RERE: variants seen among roughly 807,000 people sequenced by gnomAD.
The protein encoded by RERE is arginine-glutamic acid dipeptide repeats.
In RERE, 40 loss-of-function variants were observed where a neutral mutation model predicts 146.1. The observed-to-expected ratio is 0.27, with a 90% CI of 0.21 to 0.36. RERE has a LOEUF of 0.36. RERE is among the 10% of genes least tolerant of loss of function. The pLI is 1.00. For synonymous variants in RERE, 1,003 were observed against 866.0 expected, an observed-to-expected ratio of 1.16 and a Z score of -2.78; for missense variants, 1,933 against 2,138.7, an observed-to-expected ratio of 0.90 and a Z score of 1.90.
chr1:8,359,665 G>C, intron 19 of RERE, 99 bp downstream of exon 19: 1 of 1,330,652 alleles, frequency 7.5e-7, no homozygotes, highest in Non-Finnish European at 1.0e-6. Flanking sequence ...CCAGGAGGCC[G>C]AGTCAGGCAG....
intron 12 of RERE, among the ~76,000 whole-genome samples, chr1:8,377,257 CCA>C (rs1383715629): frequency 2.0e-5 from 3 of 152,160 alleles, no homozygotes; most frequent in Non-Finnish European, 4.4e-5. Context: ...TACATGGAAC[CCA>C]CACACACAAG....
At chr1:8,400,717 C>T (rs1643218357) in intron 12 of RERE, among the ~76,000 whole-genome samples, 1 of 149,712 alleles carries the variant, frequency 6.7e-6, no homozygotes, top group Non-Finnish European at 1.5e-5. Context: ...AAATATGATG[C>T]ATAGGGGCTA....
chr1:8,487,198 G>T (rs1644913218), intron 10 of RERE, among the ~76,000 whole-genome samples: 1 of 151,902 alleles, frequency 6.6e-6, no homozygotes, highest in South Asian at 2.1e-4. Flanking sequence ...GATGCAGAAG[G>T]AAAAACAAAG....
chr1:8,707,806 G>T (rs560142159), intron 1 of RERE, among the ~76,000 whole-genome samples: 4 of 152,184 alleles, frequency 2.6e-5, no homozygotes, highest in Non-Finnish European at 4.4e-5. Flanking sequence ...GATTTGATTT[G>T]TAACACAGTA....
Position 8,599,265 on chromosome 1 carries a change from TAAC to T in RERE, c.522+15293_522+15295del, listed in dbSNP as rs1646592721. Among the ~76,000 whole-genome samples, 4 of 152,048 alleles carry T rather than the reference TAAC, an allele frequency of 2.6e-5. No individual in the cohort carries two copies. The South Asian group carries it at 8.3e-4, about 32-fold the overall frequency. On this transcript the variant is annotated intron_variant, in intron 4 of 22. Coordinates refer to ENST00000400908, the MANE Select transcript of RERE (RefSeq NM_001042681.2). ...GAAATCCTACCAGCCACCTAACAAT[TAAC>T]AACCCCAACCCTGTCCACGGTTAAA...
intron 1 of RERE, among the ~76,000 whole-genome samples, chr1:8,757,933 T>TAG (rs1640677001): frequency 8.4e-6 from 1 of 119,524 alleles, no homozygotes; most frequent in African/African-American, 3.0e-5. Flanking sequence ...CACACACATA[T>TAG]ATATGCAATA....
chr1:8,626,707 G>A (rs1409629351), intron 2 of RERE, among the ~76,000 whole-genome samples: 3 of 152,112 alleles, frequency 2.0e-5, no homozygotes, highest in Non-Finnish European at 2.9e-5. Flanking sequence ...AACATTCCAA[G>A]CCTGTGATAA....
At chr1:8,422,367 A>C (rs1216050357) in intron 12 of RERE, among the ~76,000 whole-genome samples, 1 of 152,194 alleles carries the variant, frequency 6.6e-6, no homozygotes, top group Admixed American at 6.5e-5. Context: ...CAATTACCAA[A>C]TTCAAACTAG....
chr1:8,695,558 TG>T (rs545658288), intron 1 of RERE, among the ~76,000 whole-genome samples: 84 of 121,408 alleles, frequency 6.9e-4, no homozygotes, highest in African/African-American at 2.7e-3. Flanking sequence ...GAGATCTGCC[TG>T]AACAACATGG....
rs76147166 is a variant in RERE at position 8,497,614 on chromosome 1, T to C, written c.880-85A>G. The C allele has an allele frequency of 5.5e-3, 7,769 of 1,416,454 alleles. 332 individuals carry two copies. The African/African-American group carries it at 0.096, about 18-fold the overall frequency. The allele number at this position is 1,416,454 out of a possible 1,614,324, so 87.7% of individuals were successfully genotyped here. A position where few individuals can be genotyped will look rare whatever the true frequency, so the allele number is the denominator to read the frequency against. On this transcript the variant is annotated intron_variant, in intron 8 of 22. Coordinates refer to ENST00000400908, the MANE Select transcript of RERE (RefSeq NM_001042681.2). ...TCAATAAGCAGTCTTTAGGAACATA[T>C]ACAATGTTTTACTGAGACTCTTTCC...
At chr1:8,695,396 A>G (rs1570619021) in intron 1 of RERE, among the ~76,000 whole-genome samples, 1 of 152,054 alleles carries the variant, frequency 6.6e-6, no homozygotes, top group South Asian at 2.1e-4. Context: ...ACTGCAACAA[A>G]AACAAAAATT....
intron 1 of RERE, among the ~76,000 whole-genome samples, chr1:8,754,052 T>C (rs1457319252): frequency 6.6e-6 from 1 of 152,176 alleles, no homozygotes; most frequent in Non-Finnish European, 1.5e-5. Context: ...TTCACCCAGC[T>C]TGATGTTTTT....
intron 2 of RERE, among the ~76,000 whole-genome samples, chr1:8,635,982 T>TTATCTTATC (rs1557448323): frequency 1.7e-4 from 9 of 52,688 alleles, no homozygotes; most frequent in Admixed American, 4.6e-4. Context: ...CTTATCTTAT[T>TTATCTTATC]TTATTTTATT....
chr1:8,613,421 G>A (rs1646814956), intron 4 of RERE, among the ~76,000 whole-genome samples: 1 of 152,100 alleles, frequency 6.6e-6, no homozygotes, highest in Non-Finnish European at 1.5e-5. Context: ...TATAAGGACA[G>A]GCTGCCATGT....
intron 3 of RERE, among the ~76,000 whole-genome samples, chr1:8,616,891 T>TA (rs1324148710): frequency 6.6e-6 from 1 of 152,196 alleles, no homozygotes; most frequent in East Asian, 1.9e-4. Context: ...GATTTCCACT[T>TA]ATGTTAATAC....
intron 10 of RERE, among the ~76,000 whole-genome samples, chr1:8,488,682 A>T (rs1012711492): frequency 6.6e-6 from 1 of 152,238 alleles, no homozygotes; most frequent in Non-Finnish European, 1.5e-5. Flanking sequence ...CTTCCTATAT[A>T]GCTACAGTAT....
At chr1:8,405,238 C>T (rs1643405229) in intron 12 of RERE, among the ~76,000 whole-genome samples, 1 of 152,180 alleles carries the variant, frequency 6.6e-6, no homozygotes, top group Admixed American at 6.5e-5. Context: ...AAAATGCACA[C>T]ACTACTTGAA....
At chr1:8,795,190 T>A (rs1050818448) in intron 1 of RERE, among the ~76,000 whole-genome samples, 2 of 151,776 alleles carry the variant, frequency 1.3e-5, no homozygotes, top group Non-Finnish European at 2.9e-5. Flanking sequence ...CATGCCAGGG[T>A]AATTTTTGTA....
In RERE at chr1:8,699,365, A is replaced by C. The variant is rs79521757; in HGVS notation, c.-144-42924T>G. 3.7e-4 allele frequency among the ~76,000 whole-genome samples: 57 copies of C among 152,394 alleles called. No homozygotes were observed. The East Asian group carries it at 5.2e-3, about 14-fold the overall frequency. On this transcript the variant is annotated intron_variant, in intron 1 of 22. Transcript: ENST00000400908. ...TATTTACCACTACGCTGTACTGAAT[A>C]AATTAATGAATTACACCAGAGTTCA... is the stretch of plus-strand genomic sequence containing the variant.
Sources: allele counts gnomAD v4.1 joint callset (sites outside exome capture counted in the v4.1 genomes callset), GRCh38; gene constraint gnomAD v4.1.1; transcripts MANE v1.5; gene names NCBI Gene and HGNC (gene_info 2026-07-23, HGNC 2026-07-21).